The following PTPN14 variants were observed in gnomAD, a reference collection of about 807,000 sequenced individuals.
The protein encoded by PTPN14 is tyrosine-protein phosphatase non-receptor type 14.
PTPN14 carries 53 observed loss-of-function variants against 126.8 expected under a neutral mutation model. The ratio of observed to expected loss-of-function variants is 0.42; its 90% CI spans 0.34 to 0.53. The LOEUF is 0.53. PTPN14 is among the 20% of genes least tolerant of loss of function. PTPN14 has a pLI of 0.08. For synonymous variants in PTPN14, 630 were observed against 599.3 expected, an observed-to-expected ratio of 1.05 and a Z score of -0.75; for missense variants, 1,257 against 1,552.9, an observed-to-expected ratio of 0.81 and a Z score of 3.20.
chr1:214,522,602 G>A (rs1461014909), intron 1 of PTPN14, among the ~76,000 whole-genome samples: 1 of 152,112 alleles, frequency 6.6e-6, no homozygotes, highest in Non-Finnish European at 1.5e-5. Context: ...GTTTAAACCA[G>A]CGTAAAAAAC....
At chr1:214,362,290 G>A (rs1258324682) in intron 18 of PTPN14, among the ~76,000 whole-genome samples, 2 of 152,186 alleles carry the variant, frequency 1.3e-5, no homozygotes, top group Non-Finnish European at 2.9e-5. Flanking sequence ...TTTGTGCTAG[G>A]GGAAGAGAAG....
chr1:214,514,734 A>C (rs575786873), intron 1 of PTPN14, among the ~76,000 whole-genome samples: 1 of 152,322 alleles, frequency 6.6e-6, no homozygotes, highest in South Asian at 2.1e-4. Flanking sequence ...CCATGACCCC[A>C]GCTCAAACCA....
chr1:214,477,542 A>G (rs768163020), intron 1 of PTPN14, among the ~76,000 whole-genome samples: 1 of 152,218 alleles, frequency 6.6e-6, no homozygotes, highest in Admixed American at 6.5e-5. Context: ...ATGCTAACAC[A>G]GTAACTTTAC....
chr1:214,375,055 A>G (rs2102525518), intron 15 of PTPN14, among the ~76,000 whole-genome samples: 1 of 152,322 alleles, frequency 6.6e-6, no homozygotes, highest in East Asian at 1.9e-4. Flanking sequence ...TCTCACTCTC[A>G]AAAATCCAAG....
intron 3 of PTPN14, among the ~76,000 whole-genome samples, chr1:214,429,805 A>T (rs1256577046): frequency 2.0e-5 from 3 of 152,246 alleles, no homozygotes; most frequent in African/African-American, 7.2e-5. Flanking sequence ...TATTTGACAA[A>T]ATAATTTTAG....
chr1:214,420,999 T>A (rs1165722243), intron 3 of PTPN14, among the ~76,000 whole-genome samples: 1 of 152,238 alleles, frequency 6.6e-6, no homozygotes, highest in African/African-American at 2.4e-5. Flanking sequence ...GTTTTTCAGT[T>A]CCTTCAGAAG....
intron 5 of PTPN14, among the ~76,000 whole-genome samples, chr1:214,409,938 T>C (rs1420110096): frequency 6.6e-6 from 1 of 152,232 alleles, no homozygotes; most frequent in Non-Finnish European, 1.5e-5. Context: ...TCTGTTGGCC[T>C]TCTGTATATT....
chr1:214,498,888 A>C (rs1216603587), intron 1 of PTPN14, among the ~76,000 whole-genome samples: 2 of 152,154 alleles, frequency 1.3e-5, no homozygotes, highest in Non-Finnish European at 2.9e-5. Flanking sequence ...AGCTTATAAC[A>C]GCCTTGACCT....
intron 1 of PTPN14, among the ~76,000 whole-genome samples, chr1:214,499,046 C>G (rs759893639): frequency 6.6e-6 from 1 of 152,080 alleles, no homozygotes; most frequent in Non-Finnish European, 1.5e-5. Flanking sequence ...CTCAAGCCAT[C>G]CTCCCACCTC....
intron 3 of PTPN14, among the ~76,000 whole-genome samples, chr1:214,426,985 A>G (rs1659678935): frequency 6.6e-6 from 1 of 152,220 alleles, no homozygotes; most frequent in South Asian, 2.1e-4. Flanking sequence ...TCTCCTAAAA[A>G]AAATTATGAT....
At chr1:214,458,819 G>C (rs1315432697) in intron 2 of PTPN14, among the ~76,000 whole-genome samples, 2 of 151,978 alleles carry the variant, frequency 1.3e-5, no homozygotes, top group Non-Finnish European at 2.9e-5. Flanking sequence ...ACTGAGATAG[G>C]GCTCCAGATA....
chr1:214,466,846 G>C (rs1323680530), intron 1 of PTPN14, among the ~76,000 whole-genome samples: 1 of 152,078 alleles, frequency 6.6e-6, no homozygotes, highest in African/African-American at 2.4e-5. Flanking sequence ...AATTCTTAAA[G>C]TAATAAATAA....
chr1:214,490,821 A>G (rs1661213633), intron 1 of PTPN14, among the ~76,000 whole-genome samples: 2 of 123,598 alleles, frequency 1.6e-5, no homozygotes, highest in African/African-American at 3.1e-5. Context: ...TGGGTGACAG[A>G]GCGAGACGGA....
At chr1:214,454,421 T>G (rs1311556982) in intron 2 of PTPN14, among the ~76,000 whole-genome samples, 1 of 152,202 alleles carries the variant, frequency 6.6e-6, no homozygotes, top group African/African-American at 2.4e-5. Context: ...TATTTTAAAT[T>G]TCCTTTTCTC....
intron 1 of PTPN14, among the ~76,000 whole-genome samples, chr1:214,489,877 T>A (rs1482775713): frequency 1.3e-5 from 2 of 152,220 alleles, no homozygotes; most frequent in African/African-American, 4.8e-5. Context: ...GGCCAATTTA[T>A]TTAACCTCTC....
Position 214,372,697 on chromosome 1 carries a change from G to A in PTPN14, c.3036+14C>T, listed in dbSNP as rs757456997. ...CCTGGGGAAAAAGGATGTGGAGTAG[G>A]CCATTCCCCTTACCTCCTCTGCAGT... On this transcript the variant is annotated intron_variant, in intron 16 of 18. Transcript: ENST00000366956. 7 of 1,613,896 alleles carry A rather than the reference G, an allele frequency of 4.3e-6. No homozygotes were observed. The highest frequency in any genetic ancestry group is 5.9e-6 in the Non-Finnish European group (7 of 1,179,894).
chr1:214,494,721 A>G (rs1661322696), intron 1 of PTPN14, among the ~76,000 whole-genome samples: 1 of 152,204 alleles, frequency 6.6e-6, no homozygotes, highest in Non-Finnish European at 1.5e-5. Flanking sequence ...TTGGACGTCT[A>G]AAGGAAGAGT....
intron 13 of PTPN14, among the ~76,000 whole-genome samples, chr1:214,378,807 T>A (rs1658405908): frequency 6.6e-6 from 1 of 152,118 alleles, no homozygotes; most frequent in African/African-American, 2.4e-5. Context: ...ACAGAGACGG[T>A]GCCTCCCAAC....
intron 8 of PTPN14, among the ~76,000 whole-genome samples, 155 bp downstream of exon 8, chr1:214,397,758 G>A (rs1234977597): frequency 6.6e-6 from 1 of 151,874 alleles, no homozygotes; most frequent in Admixed American, 6.6e-5. Flanking sequence ...GAATTTAACT[G>A]CTTAAATCCT....
Sources: gnomAD v4.1 joint callset for allele counts (sites outside exome capture counted in the v4.1 genomes callset) on GRCh38, gnomAD v4.1.1 for gene constraint, MANE v1.5 for transcripts, NCBI Gene and HGNC (gene_info 2026-07-23, HGNC 2026-07-21) for gene names.